SLC14A2: variants seen among roughly 807,000 people sequenced by gnomAD.
SLC14A2 encodes solute carrier family 14 member 2.
In SLC14A2, 91 loss-of-function variants were observed where a neutral mutation model predicts 104.6. The ratio of observed to expected loss-of-function variants is 0.87; its 90% confidence interval spans 0.73 to 1.04. SLC14A2 has a LOEUF of 1.04. SLC14A2 is among the 50% of genes least tolerant of loss of function. The pLI is 0.00. For synonymous variants in SLC14A2, 476 were observed against 466.4 expected (o/e 1.02, Z -0.27); for missense variants, 1,189 against 1,156.0 (o/e 1.03, Z -0.41).
At chr18:45,305,261 C>T (rs955065599) in intron 1 of SLC14A2, among the ~76,000 whole-genome samples, 3 of 152,172 alleles carry the variant, frequency 2.0e-5, no homozygotes, top group East Asian at 1.9e-4. Context: ...GTCCCTGAGC[C>T]TATTTAGGGG....
intron 1 of SLC14A2, among the ~76,000 whole-genome samples, chr18:45,357,184 T>C (rs893467333): frequency 3.3e-5 from 5 of 150,208 alleles, no homozygotes; most frequent in African/African-American, 4.9e-5. Flanking sequence ...CAACAGCTTT[T>C]CTCTTCCCAC....
intron 1 of SLC14A2, among the ~76,000 whole-genome samples, chr18:45,343,832 C>G (rs961439973): frequency 6.6e-6 from 1 of 152,020 alleles, no homozygotes; most frequent in Non-Finnish European, 1.5e-5. Context: ...ACCGCCTGTA[C>G]CAAATACATG....
At chr18:45,674,938 C>T (rs768264889) in intron 18 of SLC14A2, among the ~76,000 whole-genome samples, 3 of 152,204 alleles carry the variant, frequency 2.0e-5, no homozygotes, top group African/African-American at 4.8e-5. Context: ...CTCCCCAAGT[C>T]CCAGCCTTGA....
intron 9 of SLC14A2, 127 bp downstream of exon 9, chr18:45,643,308 C>T (rs912825867): frequency 2.5e-6 from 2 of 807,242 alleles, no homozygotes; most frequent in Middle Eastern, 4.4e-4. Flanking sequence ...CACGACATCT[C>T]TGTTAAGGTT....
intron 1 of SLC14A2, among the ~76,000 whole-genome samples, chr18:45,333,368 A>G (rs1391528293): frequency 6.6e-6 from 1 of 152,220 alleles, no homozygotes; most frequent in African/African-American, 2.4e-5. Context: ...TTATTATACT[A>G]GAAAAGAGAT....
chr18:45,619,933 G>A (rs2045136903), intron 1 of SLC14A2, among the ~76,000 whole-genome samples: 1 of 152,190 alleles, frequency 6.6e-6, no homozygotes. Context: ...AGCCTACGTT[G>A]CCCTTCGGAG....
rs771928218 is a variant in SLC14A2, at chr18:45,668,396, G to C, written c.1955G>C (p.Gly652Ala). Residue 652 changes from glycine to alanine, a missense_variant, in exon 15 of 20, where the codon GGG becomes GCG. By Grantham distance (60) the Gly-to-Ala change is moderately conservative. Coordinates refer to ENST00000255226, the MANE Select transcript of SLC14A2 (RefSeq NM_007163.4). Reference sequence around the variant, plus strand: ...CACGGCTACAATGGGGTGCTGGTGGGGCTGCTGATGGCCGTGTTCTCAGAC... The same window carrying C: ...CACGGCTACAATGGGGTGCTGGTGGCGCTGCTGATGGCCGTGTTCTCAGAC... ...GFHGYNGVLV[G>A]LLMAVFSDKG... 4.3e-6 allele frequency: 7 copies of C among 1,613,958 alleles called. No homozygotes were observed. Among genetic ancestry groups the C allele is most frequent in the Admixed American group, 1.7e-5 (1 of 59,992 alleles).
the SLC14A2 span, among the ~76,000 whole-genome samples, chr18:45,178,970 A>G: frequency 6.6e-6 from 1 of 152,212 alleles, no homozygotes; most frequent in African/African-American, 2.4e-5. Context: ...AAGTCTACAG[A>G]GAAATTTGTA....
chr18:45,315,686 G>T (rs1302836479), intron 1 of SLC14A2, among the ~76,000 whole-genome samples: 1 of 152,274 alleles, frequency 6.6e-6, no homozygotes, highest in Non-Finnish European at 1.5e-5. Context: ...TTGGCCGTAA[G>T]AAGAGAAGGG....
chr18:45,234,328 C>T (rs961091874), intron 1 of SLC14A2, among the ~76,000 whole-genome samples: 1 of 152,190 alleles, frequency 6.6e-6, no homozygotes, highest in Non-Finnish European at 1.5e-5. Flanking sequence ...TCTTTCAATG[C>T]ATATAGTCTT....
intron 2 of SLC14A2, among the ~76,000 whole-genome samples, chr18:45,604,395 T>C (rs1022151480): frequency 6.6e-6 from 1 of 152,148 alleles, no homozygotes; most frequent in African/African-American, 2.4e-5. Flanking sequence ...AGTAAATATC[T>C]GACAATATCC....
intron 2 of SLC14A2, among the ~76,000 whole-genome samples, chr18:45,535,281 C>A (rs1486462481): frequency 6.6e-6 from 1 of 152,164 alleles, no homozygotes; most frequent in Non-Finnish European, 1.5e-5. Flanking sequence ...GTACCTCCAT[C>A]ATTTCTGACA....
intron 1 of SLC14A2, among the ~76,000 whole-genome samples, chr18:45,278,778 G>C (rs969010818): frequency 6.6e-6 from 1 of 152,156 alleles, no homozygotes; most frequent in Admixed American, 6.5e-5. Flanking sequence ...AACCTGCACA[G>C]TTCAAACCCG....
At chr18:45,179,511 C>A in the SLC14A2 span, among the ~76,000 whole-genome samples, 1 of 152,168 alleles carries the variant, frequency 6.6e-6, no homozygotes, top group Non-Finnish European at 1.5e-5. Context: ...AAAAGTTATT[C>A]TGTGAATAAT....
chr18:45,337,386 C>A (rs1433902586), intron 1 of SLC14A2, among the ~76,000 whole-genome samples: 2 of 152,064 alleles, frequency 1.3e-5, no homozygotes, highest in Non-Finnish European at 2.9e-5. Flanking sequence ...AATAATTTAC[C>A]AAGTAGTTAG....
At chr18:45,612,193 C>T (rs779225678), upstream of SLC14A2, among the ~76,000 whole-genome samples, 1 of 152,190 alleles carries the variant, frequency 6.6e-6, no homozygotes, top group Non-Finnish European at 1.5e-5. Context: ...GGTGTTTACT[C>T]AGAGATCTTC....
intron 2 of SLC14A2, chr18:45,550,035 G>A (rs1457104008): frequency 1.3e-5 from 2 of 151,428 alleles, no homozygotes; most frequent in South Asian, 2.1e-4. Flanking sequence ...CTTAAGAGGT[G>A]TCAACTACAT....
At chr18:45,338,040 T>C (rs2085353288) in intron 1 of SLC14A2, among the ~76,000 whole-genome samples, 1 of 152,122 alleles carries the variant, frequency 6.6e-6, no homozygotes, top group Non-Finnish European at 1.5e-5. Context: ...ACAACCCCCT[T>C]ATATCTTACC....
At chr18:45,364,149 G>C (rs2085643393) in intron 1 of SLC14A2, among the ~76,000 whole-genome samples, 1 of 152,150 alleles carries the variant, frequency 6.6e-6, no homozygotes, top group African/African-American at 2.4e-5. Flanking sequence ...CAACTCGTCA[G>C]CCCTTGCCTC....
Sources: gnomAD v4.1 joint callset for allele counts (sites outside exome capture counted in the v4.1 genomes callset) on GRCh38, gnomAD v4.1.1 for gene constraint, MANE v1.5 for transcripts, NCBI Gene and HGNC (gene_info 2026-07-23, HGNC 2026-07-21) for gene names.